Variants in KANK3 observed in about 807,000 individuals in gnomAD.
The protein encoded by KANK3 is KN motif and ankyrin repeat domains 3, also known as KN motif and ankyrin repeat domain-containing protein 3.
Under a neutral mutation model 65.4 loss-of-function variants are expected in KANK3, and 61 were observed. The ratio of observed to expected loss-of-function variants is 0.93; its 90% CI spans 0.76 to 1.15. KANK3 has a LOEUF of 1.15. Among genes scored for constraint, KANK3 ranks in the 50% most tolerant of loss-of-function variants. KANK3 has a pLI of 0.00. For missense variants in KANK3, 1,187 were observed against 1,178.8 expected (o/e 1.01, Z -0.10); for synonymous variants, 586 against 543.3 (o/e 1.08, Z -1.09).
At position 8,324,987 on chromosome 19, in the gene KANK3, G is replaced by T; in HGVS notation, c.2046C>A (p.Leu682=). 1 of 1,613,120 alleles carries T rather than the reference G, an allele frequency of 6.2e-7. No homozygotes were observed. The highest frequency in any genetic ancestry group is 1.3e-5 in the African/African-American group (1 of 74,492). Residue 682 remains leucine (L), a synonymous_variant, in exon 8 of 11, where the codon CTC becomes CTA. Transcript: ENST00000330915. Reference sequence around the variant, plus strand: ...TGGCATTGACATCACCCATGCAGAAGAGTCTCTGGACCACAGCCATGTCCT... The same window carrying T: ...TGGCATTGACATCACCCATGCAGAATAGTCTCTGGACCACAGCCATGTCCT... ...EEEDMAVVQR[L]FCMGDVNAKA... is the part of the protein sequence containing the mutation.
chr19:8,329,226 C>G (rs1254700957), intron 7 of KANK3, among the ~76,000 whole-genome samples: 4 of 150,568 alleles, frequency 2.7e-5, no homozygotes, highest in African/African-American at 9.8e-5. Context: ...GTTGCTCACT[C>G]CTATAATCCC....
chr19:8,335,737 C>T lies in KANK3; in HGVS notation c.90G>A (p.Pro30=), dbSNP rs375766280. ...GCGTCTCCACCGAGTAGGGCGAGCTCGGGCTGCGTGCGCCCCCGGCGGCGG... is the reference window on the plus strand; with the variant it reads ...GCGTCTCCACCGAGTAGGGCGAGCTTGGGCTGCGTGCGCCCCCGGCGGCGG... ...PVPAAGGARS[P]SSPYSVETPY... The change falls in exon 3 of 11, where the codon CCG becomes CCA. Residue 30 remains proline, a synonymous_variant. Transcript: ENST00000330915. 856 of 1,246,050 alleles carry T rather than the reference C, an allele frequency of 6.9e-4. 6 individuals carry two copies. The African/African-American group carries it at 0.012, about 17-fold the overall frequency. The allele number at this position is 1,246,050 out of a possible 1,614,324, so 77.2% of individuals were successfully genotyped here.
chr19:8,342,358 C>A (rs1228727037), intron 1 of KANK3, among the ~76,000 whole-genome samples: 3 of 152,162 alleles, frequency 2.0e-5, no homozygotes, highest in Non-Finnish European at 2.9e-5. Context: ...GTGCCCACCA[C>A]CTCTGCGGCT....
In KANK3 at chr19:8,333,807, A is replaced by G; in HGVS notation, c.1636T>C (p.Cys546Arg). Residue 546 changes from cysteine to arginine, a missense_variant and splice_region_variant, in exon 6 of 11, where the codon TGC becomes CGC. Around this residue, in one of 3 missense-constraint regions of KANK3, gnomAD observed 1,078 missense variants for 1,038.2 expected, o/e 1.04. Transcript: ENST00000330915. This position sits in a 1 kb window ranked among gnomAD's most constrained non-coding sequence, Gnocchi z 5.0. The stretch of plus-strand genomic sequence containing the variant: ...TCCCTCAGACGCGGGCTCAGCTCGC[A>G]CCTGCAGAGGAGGCCAGGAGAGACT... ...AEPQQVAQGR[C>R]ELSPRLREAC... 6.5e-7 allele frequency: 1 copy of G among 1,540,388 alleles called. No homozygotes were observed. The highest frequency in any genetic ancestry group is 8.8e-7 in the Non-Finnish European group (1 of 1,141,634).
In KANK3 at chr19:8,322,894, G is replaced by A. The variant is rs1183543737; in HGVS notation, c.2411C>T (p.Ala804Val). Residue 804 changes from alanine (A) to valine (V), a missense_variant, in exon 11 of 11, where the codon GCC becomes GTC. Physicochemically the swap from Ala to Val is moderately conservative, Grantham distance 64. Around this residue, in one of 3 missense-constraint regions of KANK3, gnomAD observed 1,078 missense variants for 1,038.2 expected, o/e 1.04. Coordinates refer to ENST00000330915, the MANE Select transcript of KANK3 (RefSeq NM_198471.3). Reference sequence around the variant, plus strand: ...ACCGCATTCTCCTTCACCAGGTGTGGCTGTCTGGGAGCCAGGGGGTGACTC... The same window carrying A: ...ACCGCATTCTCCTTCACCAGGTGTGACTGTCTGGGAGCCAGGGGGTGACTC... ...QSESPPGSQTATPGEGECGDN... is the reference protein window; with the variant it reads ...QSESPPGSQTVTPGEGECGDN... 6 of 1,561,208 alleles carry A rather than the reference G, an allele frequency of 3.8e-6. No individual in the cohort carries two copies. The highest frequency in any genetic ancestry group is 1.7e-4 in the Middle Eastern group (1 of 5,824).
chr19:8,332,287 C>T (rs1261732071), intron 7 of KANK3, among the ~76,000 whole-genome samples: 2 of 151,966 alleles, frequency 1.3e-5, no homozygotes, highest in Non-Finnish European at 2.9e-5. Context: ...AAGCAATTCT[C>T]GTGCCTCAGC....
At chr19:8,326,721 C>T (rs1002716460) in intron 7 of KANK3, among the ~76,000 whole-genome samples, 9 of 149,498 alleles carry the variant, frequency 6.0e-5, no homozygotes, top group East Asian at 2.0e-4. Context: ...GGCATGAACC[C>T]GGGGGACGGA....
Position 8,335,016 on chromosome 19 carries a change from T to C in KANK3, c.811A>G (p.Ser271Gly), listed in dbSNP as rs1375191569. Reference sequence around the variant, plus strand: ...CGCCCTGCAGCCAGGCCGTCTGGGCTGTCAGCCCGGGGGCTGGCCCTGGCA... The same window carrying C: ...CGCCCTGCAGCCAGGCCGTCTGGGCCGTCAGCCCGGGGGCTGGCCCTGGCA... Reference protein sequence around the residue: ...GRARASPRADSPDGLAAGRSE... With the variant: ...GRARASPRADGPDGLAAGRSE... Residue 271 changes from serine (S) to glycine (G), a missense_variant, in exon 3 of 11, where the codon AGC becomes GGC. Transcript: ENST00000330915. 6.9e-7 allele frequency: 1 copy of C among 1,459,588 alleles called. No homozygotes were observed. Among genetic ancestry groups the C allele is most frequent in the Non-Finnish European group, 9.0e-7 (1 of 1,115,410 alleles). The allele number at this position is 1,459,588 out of a possible 1,614,324, so 90.4% of individuals were successfully genotyped here.
intron 1 of KANK3, among the ~76,000 whole-genome samples, chr19:8,338,886 AAAAAAAAAAAAAAG>A (rs1467029493): frequency 6.7e-6 from 1 of 149,224 alleles, no homozygotes; most frequent in African/African-American, 2.5e-5. Flanking sequence ...AAAAAAAAAA[AAAAAAAAAAAAAAG>A]GATGTAATTG....
intron 7 of KANK3, among the ~76,000 whole-genome samples, chr19:8,328,622 G>A (rs943706530): frequency 3.9e-5 from 6 of 152,058 alleles, no homozygotes; most frequent in Admixed American, 3.3e-4. Context: ...AAACGGAGAG[G>A]GAGCAGTGGG....
intron 1 of KANK3, among the ~76,000 whole-genome samples, chr19:8,339,146 T>A (rs1175140984): frequency 6.6e-6 from 1 of 152,116 alleles, no homozygotes; most frequent in Non-Finnish European, 1.5e-5. Context: ...GGAAAGTGAC[T>A]GTTTGGATGA....
intron 7 of KANK3, among the ~76,000 whole-genome samples, chr19:8,331,819 G>A (rs138516278): frequency 6.6e-6 from 1 of 152,112 alleles, no homozygotes; most frequent in Non-Finnish European, 1.5e-5. Flanking sequence ...ATTATCATAG[G>A]TACCCAGGGA....
At position 8,326,379 on chromosome 19, in the gene KANK3, G is replaced by A. The variant is rs554664154; in HGVS notation, c.1937-1283C>T. On this transcript the variant is annotated intron_variant, in intron 7 of 10. Coordinates refer to ENST00000330915, the MANE Select transcript of KANK3 (RefSeq NM_198471.3). ...GGGAGCTGCAGTGAGCCAAGATCACGCCACTGCACTCCAGCCTGGGTAACA... is the reference window on the plus strand; with the variant it reads ...GGGAGCTGCAGTGAGCCAAGATCACACCACTGCACTCCAGCCTGGGTAACA... Among the ~76,000 whole-genome samples the A allele has an allele frequency of 6.5e-4, 97 of 150,148 alleles. 1 individual carries two copies. Among genetic ancestry groups the A allele is most frequent in the Non-Finnish European group, 1.5e-4 (10 of 67,708 alleles).
chr19:8,334,257 C>T (rs1039563230), intron 4 of KANK3, 63 bp downstream of exon 4: 193 of 1,600,332 alleles, frequency 1.2e-4, no homozygotes, highest in Non-Finnish European at 1.6e-4. Flanking sequence ...AGGGGCAGAG[C>T]TGGGGTTCCA....
Position 8,333,997 on chromosome 19 carries a change from G to C in KANK3, c.1547C>G (p.Ser516Trp). Residue 516 changes from serine to tryptophan, a missense_variant, in exon 5 of 11, where the codon TCG becomes TGG. Ser to Trp is a radical substitution (Grantham distance 177). Transcript: ENST00000330915. This position sits in a 1 kb window ranked among gnomAD's most constrained non-coding sequence, Gnocchi z 5.0. ...GCCGCTGGGAGGGCCAGGGGTGCCC[G>C]AGTCGGATCCCCCGCCGCTGTCATC... is the stretch of plus-strand genomic sequence containing the variant. ...SGDDSGGGSD[S>W]GTPGPPSGGD... 1 of 1,559,056 alleles carries C rather than the reference G, an allele frequency of 6.4e-7. No homozygotes were observed. The highest frequency in any genetic ancestry group is 8.6e-7 in the Non-Finnish European group (1 of 1,158,216).
At chr19:8,331,618 C>T (rs1050309842) in intron 7 of KANK3, among the ~76,000 whole-genome samples, 1 of 152,118 alleles carries the variant, frequency 6.6e-6, no homozygotes, top group Non-Finnish European at 1.5e-5. Flanking sequence ...ACCCTTTGTG[C>T]CCAGTTTATC....
At chr19:8,332,987 T>TTTGGGCC in intron 7 of KANK3, 27 bp downstream of exon 7, 7 of 395,188 alleles carry the variant, frequency 1.8e-5, no homozygotes, top group East Asian at 6.5e-5. Flanking sequence ...TTTCCTGGTG[T>TTTGGGCC]CCCACCCACC....
At chr19:8,338,222 A>AT (rs1970675855) in intron 1 of KANK3, among the ~76,000 whole-genome samples, 1 of 151,632 alleles carries the variant, frequency 6.6e-6, no homozygotes, top group Non-Finnish European at 1.5e-5. Context: ...AGGTTTCACC[A>AT]TGTTGGCCAG....
intron 7 of KANK3, among the ~76,000 whole-genome samples, chr19:8,328,922 C>A (rs1970475646): frequency 6.6e-6 from 1 of 152,010 alleles, no homozygotes; most frequent in African/African-American, 2.4e-5. Flanking sequence ...GTAGTCCCAG[C>A]ACTTTGGGAG....
Sources: gnomAD v4.1 joint callset for allele counts (sites outside exome capture counted in the v4.1 genomes callset) on GRCh38, gnomAD v4.1.1 for gene constraint, gnomAD v4.1.1 regional missense constraint, Gnocchi (gnomAD v3.1) non-coding constraint, MANE v1.5 for transcripts, NCBI Gene and HGNC (gene_info 2026-07-23, HGNC 2026-07-21) for gene names.